Variants in RHOT1 observed in about 807,000 individuals in gnomAD.
The protein encoded by RHOT1 is ras homolog family member T1.
A neutral mutation model predicts 95.3 loss-of-function variants in RHOT1; 27 were observed. That is an observed-to-expected ratio of 0.28 (90% CI 0.21 to 0.39). The LOEUF (loss-of-function observed/expected upper bound fraction) is 0.39. Ranked by LOEUF, RHOT1 falls within the 10% of genes least tolerant of loss-of-function variation. The pLI, the probability that RHOT1 is intolerant of heterozygous loss-of-function variation, is 1.00. For synonymous variants in RHOT1, 227 were observed against 263.5 expected (o/e 0.86, Z 1.34); for missense variants, 578 against 786.7 (o/e 0.73, Z 3.17).
chr17:32,201,861 T>G (rs1468318849), intron 14 of RHOT1, among the ~76,000 whole-genome samples: 1 of 152,118 alleles, frequency 6.6e-6, no homozygotes, highest in Admixed American at 6.6e-5. Flanking sequence ...TCTGGTGAGG[T>G]CTGTTGTAGT....
intron 6 of RHOT1, among the ~76,000 whole-genome samples, chr17:32,182,314 A>C (rs923959209): frequency 9.9e-5 from 14 of 140,860 alleles, no homozygotes; most frequent in South Asian, 2.1e-4. Flanking sequence ...CCTTCTCTAC[A>C]AAAAAAAAAA....
intron 19 of RHOT1, among the ~76,000 whole-genome samples, chr17:32,218,334 T>C (rs1057092049): frequency 6.6e-6 from 1 of 151,136 alleles, no homozygotes; most frequent in African/African-American, 2.4e-5. Flanking sequence ...ACAAAAAATT[T>C]AAAAAAATAA....
intron 11 of RHOT1, among the ~76,000 whole-genome samples, chr17:32,197,436 A>AT (rs1416890282): frequency 7.6e-6 from 1 of 131,182 alleles, no homozygotes; most frequent in African/African-American, 2.7e-5. Flanking sequence ...TTATTTTTTT[A>AT]TTTTTTGAGA....
chr17:32,191,865 A>G (rs2036515781), intron 8 of RHOT1, among the ~76,000 whole-genome samples: 1 of 152,176 alleles, frequency 6.6e-6, no homozygotes, highest in Non-Finnish European at 1.5e-5. Context: ...AAGTCAGTTC[A>G]TATCCTCTAT....
At chr17:32,217,830 G>A (rs961307842) in intron 19 of RHOT1, among the ~76,000 whole-genome samples, 3 of 150,596 alleles carry the variant, frequency 2.0e-5, no homozygotes, top group Admixed American at 6.6e-5. Context: ...GAGTCCAGAA[G>A]ACTTTTTTTA....
rs534882010 is a variant in RHOT1 at position 32,200,462 on chromosome 17, A to G, written c.1101-494A>G. The stretch of plus-strand genomic sequence containing the variant: ...TCTTCTCCCTTTCTTCTCTGCATTA[A>G]GAATGGCAGTGTAGGGCCAGGCAGC... On this transcript the variant is annotated intron_variant, in intron 13 of 19. Coordinates refer to ENST00000545287, the MANE Select transcript of RHOT1 (RefSeq NM_001033566.3). Among the ~76,000 whole-genome samples, 5 of 152,312 alleles carry G rather than the reference A, an allele frequency of 3.3e-5. No homozygotes were observed. In the East Asian group the frequency reaches 9.7e-4, roughly 29 times the overall value.
intron 6 of RHOT1, among the ~76,000 whole-genome samples, chr17:32,176,478 A>G (rs1247787239): frequency 6.6e-6 from 1 of 152,194 alleles, no homozygotes; most frequent in Non-Finnish European, 1.5e-5. Context: ...ACAACTTCAG[A>G]CAGATTATTT....
chr17:32,172,417 A>G (rs1036220654), intron 2 of RHOT1, among the ~76,000 whole-genome samples: 5 of 152,210 alleles, frequency 3.3e-5, no homozygotes, highest in African/African-American at 1.2e-4. Context: ...ATTGTGGATA[A>G]GGGTTTTGTG....
chr17:32,175,828 C>A (rs181647916), intron 4 of RHOT1, 134 bp from the exon 5 acceptor site: 6 of 559,552 alleles, frequency 1.1e-5, no homozygotes, highest in Admixed American at 7.6e-5. Context: ...CAAGCTAATT[C>A]TTTTTTTGTT....
intron 14 of RHOT1, among the ~76,000 whole-genome samples, chr17:32,201,951 C>T (rs184889462): frequency 1.1e-4 from 16 of 152,158 alleles, no homozygotes; most frequent in Admixed American, 1.0e-3. Context: ...CTCTCTCTAT[C>T]ACCAGGCTGG....
chr17:32,148,225 A>G, intron 1 of RHOT1, among the ~76,000 whole-genome samples: 1 of 152,060 alleles, frequency 6.6e-6, no homozygotes, highest in East Asian at 1.9e-4. Context: ...AAATCATGCC[A>G]CTGCACCCCA....
At chr17:32,149,607 A>ATGTGTG (rs1567648997) in intron 1 of RHOT1, among the ~76,000 whole-genome samples, 4 of 77,690 alleles carry the variant, frequency 5.1e-5, no homozygotes, top group African/African-American at 3.4e-4. Context: ...ATATATATAT[A>ATGTGTG]TATATATATA....
chr17:32,171,196 G>C, intron 2 of RHOT1, 95 bp downstream of exon 2: 1 of 831,500 alleles, frequency 1.2e-6, no homozygotes, highest in South Asian at 1.7e-5. Context: ...TGTGTTATGT[G>C]CTTCCTTTTG....
chr17:32,166,608 C>G (rs898959482), intron 1 of RHOT1, among the ~76,000 whole-genome samples: 1 of 152,184 alleles, frequency 6.6e-6, no homozygotes, highest in Non-Finnish European at 1.5e-5. Context: ...TGTAATATTC[C>G]AGGTCCTTTG....
chr17:32,214,533 G>T (rs1046422586), intron 19 of RHOT1, among the ~76,000 whole-genome samples: 5 of 152,312 alleles, frequency 3.3e-5, no homozygotes, highest in Non-Finnish European at 5.9e-5. Flanking sequence ...AGGACACATA[G>T]AATGAAAATG....
In RHOT1 at chr17:32,166,135, C is replaced by A. The variant is rs2034059645; in HGVS notation, c.38-4908C>A. On this transcript the variant is annotated intron_variant, in intron 1 of 19. Coordinates refer to ENST00000545287, the MANE Select transcript of RHOT1 (RefSeq NM_001033566.3). The stretch of plus-strand genomic sequence containing the variant: ...CCTGGGTGGCAGAGGTTGCAGTGAG[C>A]CAAGATTGTGCCACTGCACTCCAGC... 1.3e-5 allele frequency among the ~76,000 whole-genome samples: 2 copies of A among 150,436 alleles called. 1 individual carries two copies. Among genetic ancestry groups the A allele is most frequent in the Admixed American group, 1.3e-4 (2 of 15,118 alleles).
chr17:32,156,113 G>A (rs1006570065), intron 1 of RHOT1, among the ~76,000 whole-genome samples: 5 of 152,186 alleles, frequency 3.3e-5, no homozygotes, highest in Non-Finnish European at 7.3e-5. Context: ...TGAAAATTCC[G>A]GGACCCAACA....
At chr17:32,170,852 C>T (rs2034516932) in intron 1 of RHOT1, among the ~76,000 whole-genome samples, 191 bp from the exon 2 acceptor site, 1 of 151,984 alleles carries the variant, frequency 6.6e-6, no homozygotes, top group Non-Finnish European at 1.5e-5. Flanking sequence ...TATATTTTGG[C>T]AAGTTTTTAA....
intron 13 of RHOT1, 132 bp from the exon 14 acceptor site, chr17:32,200,824 A>C: frequency 3.3e-6 from 2 of 603,602 alleles, no homozygotes; most frequent in Non-Finnish European, 5.8e-6. Flanking sequence ...GGTTGGGCTC[A>C]TAGGAAATTA....
Sources: allele counts gnomAD v4.1 joint callset (sites outside exome capture counted in the v4.1 genomes callset), GRCh38; gene constraint gnomAD v4.1.1; transcripts MANE v1.5; gene names NCBI Gene and HGNC (gene_info 2026-07-23, HGNC 2026-07-21).